Variants in CADM2 observed in about 807,000 individuals in gnomAD.
The protein encoded by CADM2 is immunoglobulin superfamily member 4D.
A neutral mutation model predicts 49.8 loss-of-function variants in CADM2; 12 were observed. The ratio of observed to expected loss-of-function variants is 0.24; its 90% CI spans 0.15 to 0.39. CADM2 has a LOEUF of 0.39. CADM2 is among the 10% of genes least tolerant of loss of function. The pLI, the probability that CADM2 is intolerant of heterozygous loss-of-function variation, is 1.00. For synonymous variants in CADM2, 214 were observed against 175.4 expected (o/e 1.22, Z -1.74); for missense variants, 378 against 492.3 (o/e 0.77, Z 2.20).
rs2041034868 is a variant in CADM2, at chr3:85,185,367, CAT to C, written c.61+225702_61+225703del. Among the ~76,000 whole-genome samples the C allele has an allele frequency of 2.0e-5, 3 of 151,562 alleles. No individual in the cohort carries two copies. The South Asian group carries it at 6.2e-4, about 31-fold the overall frequency. On this transcript the variant is annotated intron_variant, in intron 1 of 9. Coordinates refer to ENST00000383699, the MANE Select transcript of CADM2 (RefSeq NM_001167675.2). ...TGATGGTCCTTATTGGAAATAGGAA[CAT>C]ATGTTTCCCAAAACATTTAGCAGCC...
intron 1 of CADM2, among the ~76,000 whole-genome samples, chr3:85,586,835 A>C (rs2062958853): frequency 6.6e-6 from 1 of 152,088 alleles, no homozygotes; most frequent in South Asian, 2.1e-4. Flanking sequence ...CCAGCAACTG[A>C]ATCCCCTGAA....
intron 2 of CADM2, among the ~76,000 whole-genome samples, chr3:85,762,668 T>A (rs61360156): frequency 0.056 from 8,510 of 151,508 alleles, 684 homozygotes; most frequent in African/African-American, 0.18. Context: ...GTTCTTTTCA[T>A]TTTTACCATA....
rs1454869300 is a variant in CADM2 at position 85,449,049 on chromosome 3, C to CAAA, written c.62-277470_62-277468dup. ...TCGGCAAAGGGGCGAGACTCCAACT[C>CAAA]AAAAATAATAATAATAATAATAATA... On this transcript the variant is annotated intron_variant, in intron 1 of 9. Coordinates refer to ENST00000383699, the MANE Select transcript of CADM2 (RefSeq NM_001167675.2). Among the ~76,000 whole-genome samples the CAAA allele has an allele frequency of 3.8e-3, 157 of 41,574 alleles. 1 individual carries two copies. Among genetic ancestry groups the CAAA allele is most frequent in the Non-Finnish European group, 6.4e-3 (111 of 17,270 alleles). 27.3% of individuals were successfully genotyped at this position (41,574 alleles called of 152,430 possible).
intron 1 of CADM2, among the ~76,000 whole-genome samples, chr3:85,626,038 A>T (rs1240329877): frequency 4.6e-5 from 7 of 152,020 alleles, no homozygotes; most frequent in Non-Finnish European, 8.8e-5. Context: ...TATGCATATT[A>T]TTCTGTTTTA....
In CADM2 at chr3:84,959,086, C is replaced by T; in HGVS notation, c.-522C>T. 1 of 200,006 alleles carries T rather than the reference C, an allele frequency of 5.0e-6. No homozygotes were observed. Among genetic ancestry groups the T allele is most frequent in the Non-Finnish European group, 9.9e-6 (1 of 100,722 alleles). 12.4% of individuals were successfully genotyped at this position (200,006 alleles called of 1,614,324 possible). On this transcript the variant is annotated 5_prime_UTR_variant, in exon 1 of 10. Transcript: ENST00000383699. ...ACTGCCGCCGCCGCTGCCGCTGCTA[C>T]CGCCACTAGCGCTGCTTCCACTGCT...
intron 1 of CADM2, among the ~76,000 whole-genome samples, chr3:85,349,891 A>G (rs1052531661): frequency 6.6e-6 from 1 of 152,174 alleles, no homozygotes; most frequent in Non-Finnish European, 1.5e-5. Context: ...ACCGTTCAGG[A>G]TTGGTAGAAA....
intron 1 of CADM2, among the ~76,000 whole-genome samples, chr3:84,980,580 A>C (rs1468349950): frequency 6.6e-6 from 1 of 152,114 alleles, no homozygotes; most frequent in Non-Finnish European, 1.5e-5. Flanking sequence ...CTACCGTTTT[A>C]TGTTGTACTG....
chr3:85,667,164 A>G (rs4490378), intron 1 of CADM2, among the ~76,000 whole-genome samples: 58,266 of 151,762 alleles, frequency 0.38, 12,295 homozygotes, highest in East Asian at 0.54. Flanking sequence ...CTAAGAGTAA[A>G]AGTCTCAGAG....
chr3:85,269,092 A>G (rs907965671), intron 1 of CADM2, among the ~76,000 whole-genome samples: 40 of 151,478 alleles, frequency 2.6e-4, no homozygotes, highest in African/African-American at 8.2e-4. Context: ...TAGAAATTAA[A>G]AAGTAGAGAA....
At chr3:86,012,467 C>A (rs1731638604) in intron 8 of CADM2, 1 of 727,534 alleles carries the variant, frequency 1.4e-6, no homozygotes, top group Admixed American at 4.4e-5. Context: ...GCAGAGCCGG[C>A]CGACCTGGCT....
rs2107847492 is a variant in CADM2, at chr3:85,246,331, G to A, written c.61+286663G>A. On this transcript the variant is annotated intron_variant, in intron 1 of 9. Coordinates refer to ENST00000383699, the MANE Select transcript of CADM2 (RefSeq NM_001167675.2). ...GAAGGGGGTAGGGAAAGCATTAGGA[G>A]ATATACCTAATGTAAATGAGGAGTT... 3.3e-5 allele frequency among the ~76,000 whole-genome samples: 5 copies of A among 152,008 alleles called. 1 individual carries two copies. In the South Asian group the frequency reaches 1.0e-3, roughly 32 times the overall value.
intron 1 of CADM2, among the ~76,000 whole-genome samples, chr3:85,477,098 T>C (rs1165578774): frequency 2.0e-5 from 3 of 151,904 alleles, no homozygotes; most frequent in Non-Finnish European, 4.4e-5. Context: ...TTAAGACTTT[T>C]GCCTGAAGGC....
chr3:85,164,927 G>T (rs1382590231), intron 1 of CADM2, among the ~76,000 whole-genome samples: 2 of 151,376 alleles, frequency 1.3e-5, no homozygotes, highest in Non-Finnish European at 3.0e-5. Flanking sequence ...AATATTAAAG[G>T]TATTCTTAAA....
At chr3:85,975,559 G>GC (rs200413567) in intron 8 of CADM2, among the ~76,000 whole-genome samples, 6,164 of 151,290 alleles carry the variant, frequency 0.041, 407 homozygotes, top group African/African-American at 0.14. Context: ...TTTTTTATTA[G>GC]AACATATTTT....
At chr3:85,154,636 G>T (rs940168800) in intron 1 of CADM2, among the ~76,000 whole-genome samples, 1 of 151,092 alleles carries the variant, frequency 6.6e-6, no homozygotes, top group Non-Finnish European at 1.5e-5. Context: ...ACACATAATT[G>T]TCAGATTCAC....
chr3:85,173,948 T>A (rs563912570), intron 1 of CADM2, among the ~76,000 whole-genome samples: 2 of 152,258 alleles, frequency 1.3e-5, no homozygotes, highest in East Asian at 3.9e-4. Flanking sequence ...GCTCTTAGAA[T>A]CAGAGAAACA....
At chr3:85,529,261 G>A (rs971348665) in intron 1 of CADM2, among the ~76,000 whole-genome samples, 1 of 152,134 alleles carries the variant, frequency 6.6e-6, no homozygotes, top group African/African-American at 2.4e-5. Flanking sequence ...AGCACTTAGC[G>A]ATTGGGTCTT....
At chr3:85,801,230 C>T (rs1430233733) in intron 2 of CADM2, among the ~76,000 whole-genome samples, 1 of 148,488 alleles carries the variant, frequency 6.7e-6, no homozygotes, top group East Asian at 1.9e-4. Flanking sequence ...AAATTTATTA[C>T]ATGAATTACT....
chr3:85,845,293 AAGAT>A (rs1250001892), intron 3 of CADM2, among the ~76,000 whole-genome samples: 2 of 152,060 alleles, frequency 1.3e-5, no homozygotes, highest in African/African-American at 4.8e-5. Context: ...GGCCAGTCAC[AAGAT>A]AGATAGCAGG....
Sources: allele counts gnomAD v4.1 joint callset (sites outside exome capture counted in the v4.1 genomes callset), GRCh38; gene constraint gnomAD v4.1.1; transcripts MANE v1.5; gene names NCBI Gene and HGNC (gene_info 2026-07-23, HGNC 2026-07-21).